NLGN1: variants seen among roughly 807,000 people sequenced by gnomAD.
NLGN1 encodes the protein neuroligin 1, also known as neuroligin-1.
A neutral mutation model predicts 65.5 loss-of-function variants in NLGN1; 12 were observed. The observed-to-expected ratio is 0.18, with a 90% CI of 0.12 to 0.30. NLGN1 has a LOEUF of 0.30. Ranked by LOEUF, NLGN1 falls within the 10% of genes least tolerant of loss-of-function variation. The pLI is 1.00. For missense variants in NLGN1, 750 were observed against 1,007.1 expected, an observed-to-expected ratio of 0.74 and a Z score of 3.46; for synonymous variants, 350 against 359.5, an observed-to-expected ratio of 0.97 and a Z score of 0.30.
chr3:173,639,444 C>G (rs1050074655), intron 3 of NLGN1, among the ~76,000 whole-genome samples: 17 of 152,170 alleles, frequency 1.1e-4, no homozygotes, highest in Admixed American at 1.0e-3. Flanking sequence ...AGCCTTTCAG[C>G]CTTCTCTGGT....
intron 4 of NLGN1, among the ~76,000 whole-genome samples, chr3:173,941,691 T>G (rs1399314899): frequency 2.0e-5 from 3 of 151,858 alleles, no homozygotes; most frequent in African/African-American, 7.3e-5. Context: ...TGTATATATA[T>G]AGTGTGTATA....
At chr3:173,553,041 A>G (rs1454799356) in intron 2 of NLGN1, among the ~76,000 whole-genome samples, 2 of 152,180 alleles carry the variant, frequency 1.3e-5, no homozygotes, top group African/African-American at 2.4e-5. Context: ...TAAAATTCTC[A>G]GGTAATTCAG....
At chr3:173,760,597 G>C (rs1777827822) in intron 3 of NLGN1, among the ~76,000 whole-genome samples, 1 of 151,880 alleles carries the variant, frequency 6.6e-6, no homozygotes, top group South Asian at 2.1e-4. Context: ...TTTATGCATA[G>C]TTTATTGTAC....
chr3:174,052,929 A>T (rs1380107208), intron 4 of NLGN1, among the ~76,000 whole-genome samples: 2 of 152,048 alleles, frequency 1.3e-5, no homozygotes, highest in East Asian at 3.9e-4. Context: ...AAATGCTCCT[A>T]CAAAATAGAT....
chr3:174,292,054 A>G, the NLGN1 span, among the ~76,000 whole-genome samples: 1 of 151,324 alleles, frequency 6.6e-6, no homozygotes, highest in Non-Finnish European at 1.5e-5. Flanking sequence ...GTGATATGCT[A>G]ATTGTATCAT....
intron 4 of NLGN1, among the ~76,000 whole-genome samples, chr3:174,178,582 G>C (rs1484292246): frequency 6.6e-6 from 1 of 152,050 alleles, no homozygotes; most frequent in Non-Finnish European, 1.5e-5. Flanking sequence ...TAAGTGCAAC[G>C]ACATAAAAAT....
chr3:173,691,529 G>A lies in NLGN1; in HGVS notation c.493+86438G>A, dbSNP rs990379971. ...ATTATGTTTTTGTGTACTCCATTTA[G>A]CATTCATCTAGGTTCATGTGTGTTT... On this transcript the variant is annotated intron_variant, in intron 3 of 6. Transcript: ENST00000457714. Among the ~76,000 whole-genome samples the A allele has an allele frequency of 3.3e-5, 5 of 152,192 alleles. No individual in the cohort carries two copies. The South Asian group carries it at 1.0e-3, about 32-fold the overall frequency.
At chr3:173,463,437 G>T (rs1325441603) in intron 2 of NLGN1, among the ~76,000 whole-genome samples, 1 of 152,120 alleles carries the variant, frequency 6.6e-6, no homozygotes, top group Non-Finnish European at 1.5e-5. Flanking sequence ...CGCTGACCTT[G>T]TGGTACATTC....
chr3:173,662,070 T>C (rs1761003893), intron 3 of NLGN1, among the ~76,000 whole-genome samples: 2 of 152,178 alleles, frequency 1.3e-5, no homozygotes, highest in East Asian at 3.9e-4. Flanking sequence ...ACTCTCCGTG[T>C]ATGGCTTATA....
In NLGN1 at chr3:173,400,622, A is replaced by G. The variant is rs114295475; in HGVS notation, c.-390+2135A>G. Among the ~76,000 whole-genome samples the G allele has an allele frequency of 6.3e-3, 962 of 152,122 alleles. 9 individuals carry two copies. Among genetic ancestry groups the G allele is most frequent in the African/African-American group, 0.022 (916 of 41,448 alleles). ...TAGTTCCTTGGGTGGTCTTTCCTTC[A>G]TCATGATGCTTCCTTCCTGTACCCT... On this transcript the variant is annotated intron_variant, in intron 1 of 6. Transcript: ENST00000457714.
intron 2 of NLGN1, among the ~76,000 whole-genome samples, chr3:173,502,583 GTA>G (rs773405259): frequency 6.6e-6 from 1 of 152,126 alleles, no homozygotes; most frequent in Non-Finnish European, 1.5e-5. Flanking sequence ...ACGTATGTGT[GTA>G]TGTTTCACCA....
At chr3:174,061,434 T>C (rs1427798119) in intron 4 of NLGN1, among the ~76,000 whole-genome samples, 4 of 152,090 alleles carry the variant, frequency 2.6e-5, no homozygotes, top group Non-Finnish European at 5.9e-5. Flanking sequence ...GTAAATGCAC[T>C]GTAGATAGAC....
chr3:173,882,603 C>T (rs1424613395), intron 4 of NLGN1, among the ~76,000 whole-genome samples: 1 of 152,226 alleles, frequency 6.6e-6, no homozygotes, highest in Non-Finnish European at 1.5e-5. Context: ...TCTTTGCCAG[C>T]TTCCAACTTT....
At chr3:174,115,254 T>C (rs1716136379) in intron 4 of NLGN1, among the ~76,000 whole-genome samples, 1 of 152,176 alleles carries the variant, frequency 6.6e-6, no homozygotes, top group Non-Finnish European at 1.5e-5. Flanking sequence ...TTTGATCAAC[T>C]GGAGTTTACT....
chr3:173,412,345 G>C (rs1712757015), intron 1 of NLGN1, among the ~76,000 whole-genome samples: 1 of 120,380 alleles, frequency 8.3e-6, no homozygotes, highest in Non-Finnish European at 1.9e-5. Flanking sequence ...CACACACACA[G>C]TGTGCACACA....
chr3:174,291,266 T>C (rs1054355916), downstream of NLGN1, among the ~76,000 whole-genome samples: 18 of 151,028 alleles, frequency 1.2e-4, no homozygotes, highest in Admixed American at 2.0e-4. Context: ...TCAATATGCA[T>C]GTATATGGAA....
chr3:173,545,934 G>A (rs568942970), intron 2 of NLGN1, among the ~76,000 whole-genome samples: 1 of 152,126 alleles, frequency 6.6e-6, no homozygotes, highest in East Asian at 1.9e-4. Flanking sequence ...TCACACACTG[G>A]GGCCTGTCAG....
chr3:174,024,541 T>C (rs1407180589), intron 4 of NLGN1, among the ~76,000 whole-genome samples: 4 of 152,198 alleles, frequency 2.6e-5, no homozygotes, highest in Non-Finnish European at 5.9e-5. Context: ...AAAAATGTTC[T>C]TTTTGTACAC....
intron 4 of NLGN1, among the ~76,000 whole-genome samples, chr3:174,209,372 A>G (rs1421580580): frequency 1.3e-5 from 2 of 152,206 alleles, no homozygotes; most frequent in African/African-American, 4.8e-5. Context: ...ATCAGTGTAT[A>G]GAGCATCACG....
Sources: gnomAD v4.1 joint callset for allele counts (sites outside exome capture counted in the v4.1 genomes callset) on GRCh38, gnomAD v4.1.1 for gene constraint, MANE v1.5 for transcripts, NCBI Gene and HGNC (gene_info 2026-07-23, HGNC 2026-07-21) for gene names.